The following FASTKD3 variants were observed in gnomAD, a reference collection of about 807,000 sequenced individuals.
The protein encoded by FASTKD3 is FAST kinase domains 3.
In FASTKD3, 47 loss-of-function variants were observed where a neutral mutation model predicts 49.7. The ratio of observed to expected loss-of-function variants is 0.95; its 90% CI spans 0.75 to 1.21. FASTKD3 has a LOEUF of 1.21. FASTKD3 is among the 50% of genes most tolerant of loss of function. The pLI, the probability that FASTKD3 is intolerant of heterozygous loss-of-function variation, is 0.00. For missense variants in FASTKD3, 748 were observed against 765.7 expected (o/e 0.98, Z 0.27); for synonymous variants, 284 against 288.6 (o/e 0.98, Z 0.16).
In FASTKD3 at chr5:7,868,160, A is replaced by C; in HGVS notation, c.-77T>G. On this transcript the variant is annotated 5_prime_UTR_variant, in exon 2 of 7. Transcript: ENST00000264669. ...GTTAAATACATTGAGAACATGATTG[A>C]CCCAACATCAATGTTTATGAAACTA... The C allele has an allele frequency of 1.4e-6, 1 of 716,916 alleles. No homozygotes were observed. The highest frequency in any genetic ancestry group is 2.1e-6 in the Non-Finnish European group (1 of 472,744). 44.4% of individuals were successfully genotyped at this position (716,916 alleles called of 1,614,324 possible). A position where few individuals can be genotyped will look rare whatever the true frequency, so the allele number is the denominator to read the frequency against.
chr5:7,862,682 G>A (rs1457608166), intron 4 of FASTKD3, 141 bp downstream of exon 4: 2 of 708,294 alleles, frequency 2.8e-6, no homozygotes, highest in South Asian at 1.9e-5. Context: ...CGGCTCTGCT[G>A]CTAACCCCAA....
chr5:7,859,317 CA>C lies in FASTKD3; in HGVS notation c.*117del, dbSNP rs1746367152. The C allele has an allele frequency of 2.1e-5, 11 of 528,028 alleles. No homozygotes were observed. The East Asian group carries it at 3.5e-4, about 17-fold the overall frequency. The allele number at this position is 528,028 out of a possible 1,614,324, so 32.7% of individuals were successfully genotyped here. On this transcript the variant is annotated 3_prime_UTR_variant, in exon 7 of 7. Transcript: ENST00000264669. Reference sequence around the variant, plus strand: ...GTATAAGGAAAACTACAGATGCTTTCAGATCACCAGTCTAGAACATATTCTG... The same window carrying C: ...GTATAAGGAAAACTACAGATGCTTTCGATCACCAGTCTAGAACATATTCTG...
At chr5:7,860,362 G>A (rs1282098058) in intron 6 of FASTKD3, among the ~76,000 whole-genome samples, 1 of 152,142 alleles carries the variant, frequency 6.6e-6, no homozygotes, top group African/African-American at 2.4e-5. Context: ...TATTTAAAAG[G>A]TCTTAAATAT....
intron 3 of FASTKD3, among the ~76,000 whole-genome samples, chr5:7,863,842 TTTTG>T (rs542905772): frequency 4.1e-4 from 62 of 152,240 alleles, no homozygotes; most frequent in African/African-American, 1.4e-3. Context: ...TTACCTTTTT[TTTTG>T]TTTGTTTTTG....
rs1198057553 is a variant in FASTKD3, at chr5:7,867,730, A to AAAACTT, written c.348_353dup (p.Leu116_Ser117dup). On this transcript the variant is annotated inframe_insertion, in exon 2 of 7. Transcript: ENST00000264669. ...CAGGCAGGGTTTCCATCGTGCTTAT[A>AAAACTT]AAACTTAGCACTTCTTCTGATGAAG... The AAAACTT allele has an allele frequency of 6.2e-7, 1 of 1,614,216 alleles. No individual in the cohort carries two copies. Among genetic ancestry groups the AAAACTT allele is most frequent in the Admixed American group, 1.7e-5 (1 of 60,036 alleles).
At position 7,867,558 on chromosome 5, in the gene FASTKD3, T is replaced by C. The variant is rs200724137; in HGVS notation, c.526A>G (p.Thr176Ala). The C allele has an allele frequency of 1.6e-5, 26 of 1,614,150 alleles. No homozygotes were observed. Among genetic ancestry groups the C allele is most frequent in the Non-Finnish European group, 1.9e-5 (23 of 1,180,058 alleles). ...GCTTGCAAAGCAGTCACTAAACTAG[T>C]GTTTGACAGCTGTGAGGGCTCCTTT... ...FEKEPSQLSN[T>A]SLVTALQALI... is the part of the protein sequence containing the mutation. The change falls in exon 2 of 7, where the codon ACT becomes GCT. Residue 176 changes from threonine to alanine, a missense_variant. This residue lies in a region of FASTKD3 where 564 missense variants were observed against 562.8 expected (regional missense o/e 1.00). Coordinates refer to ENST00000264669, the MANE Select transcript of FASTKD3 (RefSeq NM_024091.4).
At chr5:7,860,594 TAAC>T (rs1185257684) in intron 6 of FASTKD3, among the ~76,000 whole-genome samples, 1 of 152,220 alleles carries the variant, frequency 6.6e-6, no homozygotes, top group Non-Finnish European at 1.5e-5. Context: ...TAAGCCGAAT[TAAC>T]AACGTTGGGA....
Position 7,867,680 on chromosome 5 carries a change from T to G in FASTKD3, c.404A>C (p.Gln135Pro). Residue 135 changes from glutamine (Q) to proline (P), a missense_variant, in exon 2 of 7, where the codon CAA becomes CCA. This residue lies in a region of FASTKD3 where 564 missense variants were observed against 562.8 expected (regional missense o/e 1.00). Transcript: ENST00000264669. ...CTTTTTTTCCACTTCACAAATTCGT[T>G]GTAAAGCTCCTGCTGCCATAGTGTC... is the stretch of plus-strand genomic sequence containing the variant. Reference protein sequence around the residue: ...LPDTMAAGALQRICEVEKKDG... With the variant: ...LPDTMAAGALPRICEVEKKDG... 6.2e-7 allele frequency: 1 copy of G among 1,614,244 alleles called. No individual in the cohort carries two copies. Among genetic ancestry groups the G allele is most frequent in the South Asian group, 1.1e-5 (1 of 91,090 alleles).
chr5:7,862,750 CT>C (rs1036106828), intron 4 of FASTKD3, 72 bp downstream of exon 4: 2 of 1,304,360 alleles, frequency 1.5e-6, no homozygotes. Context: ...TCTATTGCTT[CT>C]AAGTCCCATA....
chr5:7,859,592 C>A (rs765790997), intron 6 of FASTKD3, 53 bp from the exon 7 acceptor site: 1 of 1,171,622 alleles, frequency 8.5e-7, no homozygotes, highest in Non-Finnish European at 1.2e-6. Flanking sequence ...TCTGAGGTTC[C>A]TCTGGCTATT....
rs201444910 is a variant in FASTKD3 at position 7,859,400 on chromosome 5, A to G, written c.*35T>C. The G allele has an allele frequency of 3.4e-5, 46 of 1,358,836 alleles. No individual in the cohort carries two copies. In the East Asian group the frequency reaches 1.0e-3, roughly 30 times the overall value. 84.2% of individuals were successfully genotyped at this position (1,358,836 alleles called of 1,614,324 possible). A position where few individuals can be genotyped will look rare whatever the true frequency, so the allele number is the denominator to read the frequency against. On this transcript the variant is annotated 3_prime_UTR_variant, in exon 7 of 7. Transcript: ENST00000264669. ...TTAATACTGAGTTCCATAAAAATGC[A>G]AGTTCTTCCATTGTTTGAGTTCTGA...
In FASTKD3 at chr5:7,861,664, A is replaced by G. The variant is rs1561093902; in HGVS notation, c.1700-12T>C. 6.2e-7 allele frequency: 1 copy of G among 1,606,528 alleles called. No homozygotes were observed. On this transcript the variant is annotated splice_polypyrimidine_tract_variant and intron_variant, in intron 4 of 6. Transcript: ENST00000264669. ...TTTAATTTCAACATCTGGTGAGAGA[A>G]GAAAGGAAAAATTCCTCGTGTGATA...
Position 7,861,406 on chromosome 5 carries a change from T to A in FASTKD3, c.1770-143A>T, listed in dbSNP as rs1032033081. 3.2e-5 allele frequency: 19 copies of A among 591,104 alleles called. No individual in the cohort carries two copies. In the Admixed American group the frequency reaches 6.6e-4, roughly 21 times the overall value. The allele number at this position is 591,104 out of a possible 1,614,324, so 36.6% of individuals were successfully genotyped here. ...TTTCAAATGAATCATGAATTTGATC[T>A]TATTAATATTAATGTTTATAAAATA... On this transcript the variant is annotated intron_variant, in intron 5 of 6. Coordinates refer to ENST00000264669, the MANE Select transcript of FASTKD3 (RefSeq NM_024091.4).
chr5:7,862,767 C>T, intron 4 of FASTKD3, 56 bp downstream of exon 4: 1 of 1,466,194 alleles, frequency 6.8e-7, no homozygotes, highest in South Asian at 1.2e-5. Context: ...CCATATATCT[C>T]CAAAATCGAA....
Position 7,867,219 on chromosome 5 carries a change from A to G in FASTKD3, c.865T>C (p.Ser289Pro). Residue 289 changes from serine (S) to proline (P), a missense_variant, in exon 2 of 7, where the codon TCC (serine) becomes CCC (proline). Transcript: ENST00000264669. Reference sequence around the variant, plus strand: ...CTAATCAATTTAGGACTCAGGTTGGAAACTATTGATAGGGAAAAGTTGTTT... The same window carrying G: ...CTAATCAATTTAGGACTCAGGTTGGGAACTATTGATAGGGAAAAGTTGTTT... ...KINNFSLSIV[S>P]NLSPKLISQM... The G allele has an allele frequency of 6.2e-7, 1 of 1,614,166 alleles. No individual in the cohort carries two copies. The highest frequency in any genetic ancestry group is 8.5e-7 in the Non-Finnish European group (1 of 1,180,046).
chr5:7,861,544 C>A, intron 5 of FASTKD3, 39 bp downstream of exon 5: 1 of 1,410,726 alleles, frequency 7.1e-7, no homozygotes, highest in South Asian at 1.7e-5. Context: ...TTAGCCTCAA[C>A]GAGTCTTGTA....
In FASTKD3 at chr5:7,867,326, G is replaced by A. The variant is rs201558864; in HGVS notation, c.758C>T (p.Pro253Leu). The A allele has an allele frequency of 2.2e-5, 36 of 1,613,926 alleles. No individual in the cohort carries two copies. The highest frequency in any genetic ancestry group is 2.2e-5 in the East Asian group (1 of 44,888). ...LQGEKLETFT[P>L]EDIVALYRIL... ...TCTATAAAGGGCCACAATATCCTCC[G>A]GGGTAAATGTTTCCAATTTTTCACC... The change falls in exon 2 of 7, where the codon CCG becomes CTG. Residue 253 changes from proline (P) to leucine (L), a missense_variant. By Grantham distance (98) the Pro-to-Leu change is moderately conservative. Around this residue, in one of 3 missense-constraint regions of FASTKD3, gnomAD observed 564 missense variants for 562.8 expected, o/e 1.00. Coordinates refer to ENST00000264669, the MANE Select transcript of FASTKD3 (RefSeq NM_024091.4).
Position 7,866,809 on chromosome 5 carries a change from G to A in FASTKD3, c.1275C>T (p.Ala425=). ...TTTCCAGCTTTCTAAATAAAGCAGAGGCATTTGGTGGCAAATAATTGAGTT... is the reference window on the plus strand; with the variant it reads ...TTTCCAGCTTTCTAAATAAAGCAGAAGCATTTGGTGGCAAATAATTGAGTT... The part of the protein sequence containing the change: ...FGKLNYLPPN[A]SALFRKLENV... Residue 425 remains alanine, a synonymous_variant, in exon 2 of 7, where the codon GCC becomes GCT. Transcript: ENST00000264669. 6.2e-7 allele frequency: 1 copy of A among 1,614,134 alleles called. No individual in the cohort carries two copies.
rs1746657246 is a variant in FASTKD3, at chr5:7,862,849, A to G, written c.1673T>C (p.Val558Ala). Reference sequence around the variant, plus strand: ...TATTGTATAACAATAGGGTGTCAACACTTTTGGAGCAAAATATAATCTTGC... The same window carrying G: ...TATTGTATAACAATAGGGTGTCAACGCTTTTGGAGCAAAATATAATCTTGC... ...LGARLYFAPKVLTPYCYTIDV... is the reference protein window; with the variant it reads ...LGARLYFAPKALTPYCYTIDV... Residue 558 changes from valine to alanine, a missense_variant, in exon 4 of 7, where the codon GTG becomes GCG. Physicochemically the swap from Val to Ala is moderately conservative, Grantham distance 64. This residue lies in a region of FASTKD3 where 178 missense variants were observed against 182.2 expected (regional missense o/e 0.98). Coordinates refer to ENST00000264669, the MANE Select transcript of FASTKD3 (RefSeq NM_024091.4). 1 of 1,613,692 alleles carries G rather than the reference A, an allele frequency of 6.2e-7. No homozygotes were observed. Among genetic ancestry groups the G allele is most frequent in the Non-Finnish European group, 8.5e-7 (1 of 1,179,810 alleles).
Sources: gnomAD v4.1 joint callset for allele counts (sites outside exome capture counted in the v4.1 genomes callset) on GRCh38, gnomAD v4.1.1 for gene constraint, gnomAD v4.1.1 regional missense constraint, MANE v1.5 for transcripts, NCBI Gene and HGNC (gene_info 2026-07-23, HGNC 2026-07-21) for gene names.